Variants in GRAMD4 observed in about 807,000 individuals in gnomAD.
GRAMD4 encodes GRAM domain-containing protein 4.
A neutral mutation model predicts 83.9 loss-of-function variants in GRAMD4; 25 were observed. That is an observed-to-expected ratio of 0.30 (90% CI 0.22 to 0.42). The LOEUF (loss-of-function observed/expected upper bound fraction) is 0.42, where lower values mean the gene tolerates loss of function less well. Among genes scored for constraint, GRAMD4 ranks in the 10% least tolerant of loss-of-function variants. The probability of loss-of-function intolerance (pLI) is 1.00; values close to 1 mark genes in which losing one functional copy is unlikely to be tolerated. For synonymous variants in GRAMD4, 336 were observed against 320.9 expected, an observed-to-expected ratio of 1.05 and a Z score of -0.50; for missense variants, 593 against 788.7, an observed-to-expected ratio of 0.75 and a Z score of 2.97.
At chr22:46,582,060 C>T (rs542408386) in intron 1 of GRAMD4, among the ~76,000 whole-genome samples, 1 of 152,180 alleles carries the variant, frequency 6.6e-6, no homozygotes, top group South Asian at 2.1e-4. Context: ...AGTGCTGGGG[C>T]CTTGGCTGGG....
At chr22:46,643,135 GCATCCTTCCATC>G (rs1569283814) in intron 3 of GRAMD4, among the ~76,000 whole-genome samples, 36 of 7,994 alleles carry the variant, frequency 4.5e-3, no homozygotes, top group East Asian at 5.4e-3. Context: ...ATCCATCCAT[GCATCCTTCCATC>G]CATCCATCCA....
At chr22:46,597,524 C>T (rs2081273396) in intron 1 of GRAMD4, among the ~76,000 whole-genome samples, 1 of 152,148 alleles carries the variant, frequency 6.6e-6, no homozygotes, top group African/African-American at 2.4e-5. Context: ...GAGTCTCGCT[C>T]TGTCGCCCAG....
intron 1 of GRAMD4, among the ~76,000 whole-genome samples, chr22:46,609,261 C>T (rs1419505887): frequency 6.6e-6 from 1 of 152,208 alleles, no homozygotes; most frequent in African/African-American, 2.4e-5. Context: ...TTGCCCTCCG[C>T]GCAGGAGCCT....
chr22:46,577,139 C>A (rs2081049429), exon 1 of GRAMD4: 1 of 269,280 alleles, frequency 3.7e-6, no homozygotes, highest in Non-Finnish European at 5.6e-6. Context: ...CCGCCGCCTC[C>A]GCGCTCGTGG....
intron 1 of GRAMD4, among the ~76,000 whole-genome samples, chr22:46,593,024 A>G (rs1048900520): frequency 6.6e-6 from 1 of 152,030 alleles, no homozygotes; most frequent in African/African-American, 2.4e-5. Context: ...GCGGGCTTTC[A>G]GAAAAGAAAG....
chr22:46,640,592 G>A (rs1478523178), intron 3 of GRAMD4, among the ~76,000 whole-genome samples: 1 of 152,178 alleles, frequency 6.6e-6, no homozygotes, highest in African/African-American at 2.4e-5. Flanking sequence ...CCCCTTGGTA[G>A]CTCGTGAAGT....
At chr22:46,633,204 C>T (rs960542731) in intron 2 of GRAMD4, among the ~76,000 whole-genome samples, 1 of 152,184 alleles carries the variant, frequency 6.6e-6, no homozygotes, top group Non-Finnish European at 1.5e-5. Flanking sequence ...AGGGGGCCCC[C>T]AGCTGCCCTG....
chr22:46,663,896 A>G (rs774307733), intron 7 of GRAMD4, 33 bp downstream of exon 7: 5 of 1,609,580 alleles, frequency 3.1e-6, no homozygotes, highest in Non-Finnish European at 4.2e-6. Context: ...GGCGCCCACG[A>G]TGCTCAGTGT....
chr22:46,676,979 C>T (rs1330208511), intron 18 of GRAMD4, among the ~76,000 whole-genome samples, 168 bp from the exon 19 acceptor site: 3 of 152,244 alleles, frequency 2.0e-5, no homozygotes, highest in Admixed American at 6.5e-5. Context: ...CTCTGTTCCC[C>T]TGAAGGCTGG....
intron 2 of GRAMD4, among the ~76,000 whole-genome samples, chr22:46,629,716 T>G (rs1202611336): frequency 1.3e-5 from 2 of 152,196 alleles, no homozygotes; most frequent in Non-Finnish European, 2.9e-5. Flanking sequence ...GGGTTTCTAT[T>G]AATAGCATAT....
rs2082527904 is a variant in GRAMD4, at chr22:46,672,641, G to C, written c.1085-202G>C. 6.6e-6 allele frequency among the ~76,000 whole-genome samples: 1 copy of C among 152,018 alleles called. No homozygotes were observed. Among genetic ancestry groups the C allele is most frequent in the Non-Finnish European group, 1.5e-5 (1 of 67,994 alleles). On this transcript the variant is annotated intron_variant, in intron 13 of 18. Coordinates refer to ENST00000406902, the MANE Select transcript of GRAMD4 (RefSeq NM_015124.5). The surrounding 1 kb of genome is among the most constrained non-coding windows in gnomAD (Gnocchi z 4.7). ...CAGTGGGGCCCTCGCCTGGGGTTGA[G>C]ACTGTGCAGCACGAATGGGCCCCAG...
chr22:46,632,964 G>A (rs2081797855), intron 2 of GRAMD4, among the ~76,000 whole-genome samples: 1 of 152,218 alleles, frequency 6.6e-6, no homozygotes, highest in African/African-American at 2.4e-5. Flanking sequence ...TGTCTGTTAT[G>A]GGGACCCACA....
chr22:46,637,765 C>T, intron 2 of GRAMD4, 75 bp from the exon 3 acceptor site: 1 of 1,556,540 alleles, frequency 6.4e-7, no homozygotes, highest in Non-Finnish European at 8.7e-7. Context: ...CCCTGGGCAC[C>T]TCTGGGGGAA....
At chr22:46,665,246 C>G (rs569129389) in intron 8 of GRAMD4, among the ~76,000 whole-genome samples, 130 of 152,356 alleles carry the variant, frequency 8.5e-4, no homozygotes, top group African/African-American at 2.9e-3. Context: ...CGGGCATGCA[C>G]CTGGCTCGCC....
rs1256573355 is a variant in GRAMD4 at position 46,620,431 on chromosome 22, C to A, written c.-184C>A. On this transcript the variant is annotated 5_prime_UTR_variant, in exon 1 of 19. Coordinates refer to ENST00000406902, the MANE Select transcript of GRAMD4 (RefSeq NM_015124.5). This position sits in a 1 kb window ranked among gnomAD's most constrained non-coding sequence, Gnocchi z 4.7. ...AGGCTCCAGGGCAGCAGACACCACC[C>A]TCTCCGTGCCTGCTGGTGTTGGGCG... The A allele has an allele frequency of 4.1e-6, 4 of 985,376 alleles. No homozygotes were observed. The highest frequency in any genetic ancestry group is 4.8e-6 in the Non-Finnish European group (4 of 829,892). 61.0% of individuals were successfully genotyped at this position (985,376 alleles called of 1,614,324 possible). A position where few individuals can be genotyped will look rare whatever the true frequency, so the allele number is the denominator to read the frequency against.
chr22:46,658,098 T>G, intron 3 of GRAMD4, 89 bp from the exon 4 acceptor site: 1 of 1,533,500 alleles, frequency 6.5e-7, no homozygotes, highest in East Asian at 2.3e-5. Context: ...CCTCTGCTGT[T>G]TCTGAGTCAG....
At chr22:46,576,653 C>T (rs1202107859), upstream of GRAMD4, among the ~76,000 whole-genome samples, 3 of 152,158 alleles carry the variant, frequency 2.0e-5, no homozygotes, top group African/African-American at 7.2e-5. Context: ...GGGGCCGCGT[C>T]CGGCGCCCCG....
At chr22:46,605,664 C>A (rs1479627492) in intron 1 of GRAMD4, among the ~76,000 whole-genome samples, 7 of 152,268 alleles carry the variant, frequency 4.6e-5, no homozygotes, top group African/African-American at 1.7e-4. Context: ...GAAAGGGTCT[C>A]CCCTTGTGGT....
intron 13 of GRAMD4, among the ~76,000 whole-genome samples, chr22:46,670,169 C>T (rs1233593294): frequency 6.6e-6 from 1 of 152,252 alleles, no homozygotes; most frequent in Non-Finnish European, 1.5e-5. Flanking sequence ...GCAGTGGGGG[C>T]TGTGTCTGTG....
Sources: allele counts gnomAD v4.1 joint callset (sites outside exome capture counted in the v4.1 genomes callset), GRCh38; gene constraint gnomAD v4.1.1; non-coding constraint Gnocchi (gnomAD v3.1); transcripts MANE v1.5; gene names NCBI Gene and HGNC (gene_info 2026-07-23, HGNC 2026-07-21).